The following BTBD6 variants were observed in gnomAD, a reference collection of about 807,000 sequenced individuals.
The protein encoded by BTBD6 is BTB domain containing 6, also known as BTB/POZ domain-containing protein 6.
BTBD6 carries 30 observed loss-of-function variants against 40.6 expected under a neutral mutation model. The observed-to-expected ratio is 0.74, with a 90% CI of 0.55 to 1.00. The LOEUF (loss-of-function observed/expected upper bound fraction) is 1.00, where lower values mean the gene tolerates loss of function less well. Ranked by LOEUF, BTBD6 falls within the 50% of genes least tolerant of loss-of-function variation. The probability of loss-of-function intolerance (pLI) is 0.00; values close to 1 mark genes in which losing one functional copy is unlikely to be tolerated. For synonymous variants in BTBD6, 378 were observed against 308.7 expected (o/e 1.22, Z -2.35); for missense variants, 698 against 694.6 (o/e 1.00, Z -0.06).
chr14:105,250,576 TG>T lies in BTBD6; in HGVS notation c.1523del (p.Gly508GlufsTer55), dbSNP rs2055547468. 6.2e-7 allele frequency: 1 copy of T among 1,613,924 alleles called. No individual in the cohort carries two copies. The highest frequency in any genetic ancestry group is 1.3e-5 in the African/African-American group (1 of 74,900). ...GQEGMTEVQC[G>X]KVAFQFQCSS... is the part of the protein sequence containing the mutation. ...AGGAGGGGATGACGGAAGTGCAGTG[TG>T]GAAAGGTGGCCTTCCAGTTCCAGTG... On this transcript the variant is annotated frameshift_variant, in exon 4 of 4. Coordinates refer to ENST00000392554, the MANE Select transcript of BTBD6 (RefSeq NM_001387567.1). LOFTEE classifies it high-confidence loss of function.
rs1259914114 is a variant in BTBD6 at position 105,250,763 on chromosome 14, A to G, written c.*91A>G. The G allele has an allele frequency of 7.5e-7, 1 of 1,329,032 alleles. No homozygotes were observed. The highest frequency in any genetic ancestry group is 1.5e-5 in the African/African-American group (1 of 67,922). 82.3% of individuals were successfully genotyped at this position (1,329,032 alleles called of 1,614,324 possible). ...CTTGACACCATGAAAGGCTGCTCTT[A>G]ACTTTGTCTCTCTTTGACATGTAGT... On this transcript the variant is annotated 3_prime_UTR_variant, in exon 4 of 4. Coordinates refer to ENST00000392554, the MANE Select transcript of BTBD6 (RefSeq NM_001387567.1).
rs1383513356 is a variant in BTBD6, at chr14:105,248,997, CCGCCGCCCGCGCCCG to C, written c.295_309del (p.Ala99_Pro103del). 5 of 1,011,752 alleles carry C rather than the reference CCGCCGCCCGCGCCCG, an allele frequency of 4.9e-6. No individual in the cohort carries two copies. The highest frequency in any genetic ancestry group is 4.5e-5 in the South Asian group (1 of 22,336). 62.7% of individuals were successfully genotyped at this position (1,011,752 alleles called of 1,614,324 possible). A position where few individuals can be genotyped will look rare whatever the true frequency, so the allele number is the denominator to read the frequency against. On this transcript the variant is annotated inframe_deletion, in exon 1 of 4. Transcript: ENST00000392554. ...GCCCAGCGCCCCCGCGCCAGCGCCG[CCGCCGCCCGCGCCCG>C]CGCCGCCCACACTCGGCAACAACCA... is the stretch of plus-strand genomic sequence containing the variant.
rs1314047056 is a variant in BTBD6 at position 105,249,808 on chromosome 14, T to C, written c.753T>C (p.Phe251=). The C allele has an allele frequency of 6.2e-7, 1 of 1,613,632 alleles. No individual in the cohort carries two copies. ...TCCTGCTGTCCCAGAGCCGGCTGTT[T>C]GAGGAGCCCGAGCTGACGCAGCGCT... ...ACVLLSQSRL[F]EEPELTQRCW... Residue 251 remains phenylalanine, a synonymous_variant, in exon 4 of 4, where the codon TTT becomes TTC. Transcript: ENST00000392554.
Position 105,248,616 on chromosome 14 carries a change from C to T in BTBD6, c.-96C>T, listed in dbSNP as rs1010176371. The T allele has an allele frequency of 3.1e-6, 3 of 976,296 alleles. No homozygotes were observed. Among genetic ancestry groups the T allele is most frequent in the South Asian group, 4.7e-5 (1 of 21,236 alleles). 60.5% of individuals were successfully genotyped at this position (976,296 alleles called of 1,614,324 possible). ...CGGCGCCCCCCGCGGCCGGGCCTGG[C>T]CGGGCTGCGCTAGGCTGGGCTCGGG... On this transcript the variant is annotated 5_prime_UTR_variant, in exon 1 of 4. Transcript: ENST00000392554.
At chr14:105,249,579 G>C (rs587715737) in intron 3 of BTBD6, 61 bp from the exon 4 acceptor site, 1 of 1,586,690 alleles carries the variant, frequency 6.3e-7, no homozygotes, top group East Asian at 2.2e-5. Flanking sequence ...TCCTCTCCCA[G>C]GCCCAGCCCC....
rs2055325827 is a variant in BTBD6 at position 105,248,608 on chromosome 14, G to GGGCCT, written c.-99_-95dup. ...GGGCGGGACGGCGCCCCCCGCGGCC[G>GGGCCT]GGCCTGGCCGGGCTGCGCTAGGCTG... On this transcript the variant is annotated 5_prime_UTR_variant, in exon 1 of 4. Coordinates refer to ENST00000392554, the MANE Select transcript of BTBD6 (RefSeq NM_001387567.1). 1 of 975,212 alleles carries GGGCCT rather than the reference G, an allele frequency of 1.0e-6. No homozygotes were observed. Among genetic ancestry groups the GGGCCT allele is most frequent in the Non-Finnish European group, 1.2e-6 (1 of 824,158 alleles). 60.4% of individuals were successfully genotyped at this position (975,212 alleles called of 1,614,324 possible). A position where few individuals can be genotyped will look rare whatever the true frequency, so the allele number is the denominator to read the frequency against.
At position 105,251,082 on chromosome 14, in the gene BTBD6, C is replaced by A; in HGVS notation, c.*410C>A. ...TAGTGGACTTCTGTAATAAAGGTTG[C>A]CTAAAATAACACCCACGTGTCAGTA... is the stretch of plus-strand genomic sequence containing the variant. On this transcript the variant is annotated 3_prime_UTR_variant, in exon 4 of 4. Coordinates refer to ENST00000392554, the MANE Select transcript of BTBD6 (RefSeq NM_001387567.1). 1 of 210,240 alleles carries A rather than the reference C, an allele frequency of 4.8e-6. No homozygotes were observed. The highest frequency in any genetic ancestry group is 1.1e-5 in the Non-Finnish European group (1 of 94,318). The allele number at this position is 210,240 out of a possible 1,614,324, so 13.0% of individuals were successfully genotyped here. A position where few individuals can be genotyped will look rare whatever the true frequency, so the allele number is the denominator to read the frequency against.
chr14:105,249,129 C>T (rs771527387), intron 1 of BTBD6, 28 bp from the exon 2 acceptor site: 3 of 1,543,554 alleles, frequency 1.9e-6, no homozygotes, highest in Middle Eastern at 1.9e-4. Context: ...CGCGCCCACG[C>T]CCCCAGCCCG....
chr14:105,249,609 C>T, intron 3 of BTBD6, 31 bp from the exon 4 acceptor site: 1 of 1,590,452 alleles, frequency 6.3e-7, no homozygotes, highest in Non-Finnish European at 8.6e-7. Context: ...GCTTGGGAGC[C>T]AGCCCCTGAC....
At position 105,250,972 on chromosome 14, in the gene BTBD6, T is replaced by C. The variant is rs141160369; in HGVS notation, c.*300T>C. On this transcript the variant is annotated 3_prime_UTR_variant, in exon 4 of 4. Transcript: ENST00000392554. ...CCTGCTTTGAGGGGTTGGATCTTCCTGCTACCCTCTTGGATTCTAAGTGGT... is the reference window on the plus strand; with the variant it reads ...CCTGCTTTGAGGGGTTGGATCTTCCCGCTACCCTCTTGGATTCTAAGTGGT... 3 of 377,002 alleles carry C rather than the reference T, an allele frequency of 8.0e-6. No homozygotes were observed. Among genetic ancestry groups the C allele is most frequent in the African/African-American group, 6.1e-5 (3 of 49,332 alleles). 23.4% of individuals were successfully genotyped at this position (377,002 alleles called of 1,614,324 possible). A position where few individuals can be genotyped will look rare whatever the true frequency, so the allele number is the denominator to read the frequency against.
Position 105,249,096 on chromosome 14 carries a change from GCCCCGCGGC to G in BTBD6, c.374+19_374+27del. ...CACGCTGCGCGAGAGGTGAGCCCGT[GCCCCGCGGC>G]CCCCGCGCCCGCGCGCGCCCACGCC... On this transcript the variant is annotated intron_variant, in intron 1 of 3. Transcript: ENST00000392554. 1 of 1,485,274 alleles carries G rather than the reference GCCCCGCGGC, an allele frequency of 6.7e-7. No individual in the cohort carries two copies. Among genetic ancestry groups the G allele is most frequent in the Non-Finnish European group, 8.9e-7 (1 of 1,126,098 alleles). 92.0% of individuals were successfully genotyped at this position (1,485,274 alleles called of 1,614,324 possible). A position where few individuals can be genotyped will look rare whatever the true frequency, so the allele number is the denominator to read the frequency against.
rs367672327 is a variant in BTBD6, at chr14:105,249,999, G to A, written c.944G>A (p.Arg315Lys). Residue 315 changes from arginine to lysine, a missense_variant, in exon 4 of 4, where the codon AGG becomes AAG. Arg to Lys is a conservative substitution (Grantham distance 26). Coordinates refer to ENST00000392554, the MANE Select transcript of BTBD6 (RefSeq NM_001387567.1). Reference protein sequence around the residue: ...VLNWAEAECKRQGLPITPRNK... With the variant: ...VLNWAEAECKKQGLPITPRNK... ...AACTGGGCCGAGGCGGAGTGCAAGAGGCAGGGGCTGCCAATCACCCCACGA... is the reference window on the plus strand; with the variant it reads ...AACTGGGCCGAGGCGGAGTGCAAGAAGCAGGGGCTGCCAATCACCCCACGA... The A allele has an allele frequency of 1.2e-6, 2 of 1,612,806 alleles. No homozygotes were observed. Among genetic ancestry groups the A allele is most frequent in the African/African-American group, 1.3e-5 (1 of 75,070 alleles).
chr14:105,248,981 CCCCGCGCCAGCGCCGCCGCCG>C lies in BTBD6; in HGVS notation c.279_299del (p.Pro97_Pro103del), dbSNP rs887225744. 7.2e-5 allele frequency: 71 copies of C among 986,228 alleles called. No individual in the cohort carries two copies. Among genetic ancestry groups the C allele is most frequent in the South Asian group, 9.0e-5 (2 of 22,132 alleles). The allele number at this position is 986,228 out of a possible 1,614,324, so 61.1% of individuals were successfully genotyped here. A position where few individuals can be genotyped will look rare whatever the true frequency, so the allele number is the denominator to read the frequency against. On this transcript the variant is annotated inframe_deletion, in exon 1 of 4. Transcript: ENST00000392554. The stretch of plus-strand genomic sequence containing the variant: ...CCGGGCCGCGCAGCCCGCCCAGCGC[CCCCGCGCCAGCGCCGCCGCCG>C]CCCGCGCCCGCGCCGCCCACACTCG...
rs2055570775 is a variant in BTBD6 at position 105,250,922 on chromosome 14, T to G, written c.*250T>G. 4.0e-6 allele frequency: 2 copies of G among 504,178 alleles called. No individual in the cohort carries two copies. The highest frequency in any genetic ancestry group is 2.9e-5 in the South Asian group (1 of 34,274). The allele number at this position is 504,178 out of a possible 1,614,324, so 31.2% of individuals were successfully genotyped here. On this transcript the variant is annotated 3_prime_UTR_variant, in exon 4 of 4. Transcript: ENST00000392554. The stretch of plus-strand genomic sequence containing the variant: ...TTTACGGCTCAAGACAGGCCCCAGA[T>G]CCCCTCCCAGTGGCACCCATGCCAC...
rs1460714606 is a variant in BTBD6, at chr14:105,248,792, G to A, written c.81G>A (p.Pro27=). ...TGCTTTTGCTTGCAGAGCCGCTCCC[G>A]AGGCCCCGGCGCGGCGCGAGGGCGC... ...TSLLLLAEPL[P]RPRRGARARG... is the part of the protein sequence containing the mutation. Residue 27 remains proline, a synonymous_variant, in exon 1 of 4, where the codon CCG becomes CCA. Coordinates refer to ENST00000392554, the MANE Select transcript of BTBD6 (RefSeq NM_001387567.1). The A allele has an allele frequency of 2.0e-6, 2 of 982,826 alleles. No individual in the cohort carries two copies. Among genetic ancestry groups the A allele is most frequent in the Non-Finnish European group, 1.2e-6 (1 of 829,814 alleles). 60.9% of individuals were successfully genotyped at this position (982,826 alleles called of 1,614,324 possible).
chr14:105,249,961 C>T lies in BTBD6; in HGVS notation c.906C>T (p.Phe302=), dbSNP rs1379490910. The T allele has an allele frequency of 5.0e-6, 8 of 1,612,072 alleles. No homozygotes were observed. Among genetic ancestry groups the T allele is most frequent in the Admixed American group, 1.7e-5 (1 of 60,000 alleles). ...EALNTKEAVV[F]EAVLNWAEAE... is the part of the protein sequence containing the mutation. ...TCAACACCAAAGAGGCGGTGGTCTT[C>T]GAGGCCGTCCTGAACTGGGCCGAGG... Residue 302 remains phenylalanine (F), a synonymous_variant, in exon 4 of 4, where the codon TTC becomes TTT. Coordinates refer to ENST00000392554, the MANE Select transcript of BTBD6 (RefSeq NM_001387567.1).
At position 105,248,563 on chromosome 14, in the gene BTBD6, ACGGGCTCGGG is replaced by A. The variant is rs1316785491; in HGVS notation, c.-143_-134del. 0.04 allele frequency: 10,424 copies of A among 263,486 alleles called. 93 individuals are homozygous for A. Among genetic ancestry groups the A allele is most frequent in the Non-Finnish European group, 0.045 (9,858 of 219,976 alleles). 16.3% of individuals were successfully genotyped at this position (263,486 alleles called of 1,614,324 possible). A position where few individuals can be genotyped will look rare whatever the true frequency, so the allele number is the denominator to read the frequency against. On this transcript the variant is annotated 5_prime_UTR_variant, in exon 1 of 4. Transcript: ENST00000392554. ...GTGACGCACCGGCGCCGCGGCGGGTACGGGCTCGGGCGGGCGGGCGGGCGGGACGGCGCCC... is the reference window on the plus strand; with the variant it reads ...GTGACGCACCGGCGCCGCGGCGGGTACGGGCGGGCGGGCGGGACGGCGCCC...
At position 105,248,611 on chromosome 14, in the gene BTBD6, C is replaced by T; in HGVS notation, c.-101C>T. 1.0e-5 allele frequency: 10 copies of T among 974,386 alleles called. No homozygotes were observed. Among genetic ancestry groups the T allele is most frequent in the East Asian group, 1.2e-4 (1 of 8,684 alleles). The allele number at this position is 974,386 out of a possible 1,614,324, so 60.4% of individuals were successfully genotyped here. On this transcript the variant is annotated 5_prime_UTR_variant, in exon 1 of 4. Coordinates refer to ENST00000392554, the MANE Select transcript of BTBD6 (RefSeq NM_001387567.1). The stretch of plus-strand genomic sequence containing the variant: ...CGGGACGGCGCCCCCCGCGGCCGGG[C>T]CTGGCCGGGCTGCGCTAGGCTGGGC...
chr14:105,250,314 G>A lies in BTBD6; in HGVS notation c.1259G>A (p.Arg420Lys), dbSNP rs745905311. Residue 420 changes from arginine to lysine, a missense_variant, in exon 4 of 4, where the codon AGG becomes AAG. Transcript: ENST00000392554. Reference protein sequence around the residue: ...CDSIQFAVDRRVFIAGLGLYG... With the variant: ...CDSIQFAVDRKVFIAGLGLYG... ...AGCATCCAGTTTGCAGTGGACAGAA[G>A]GGTATTTATTGCAGGGCTGGGCCTG... 3.1e-6 allele frequency: 5 copies of A among 1,613,414 alleles called. No individual in the cohort carries two copies. The highest frequency in any genetic ancestry group is 4.2e-6 in the Non-Finnish European group (5 of 1,180,042).
Sources: gnomAD v4.1 joint callset for allele counts on GRCh38, gnomAD v4.1.1 for gene constraint, MANE v1.5 for transcripts, NCBI Gene and HGNC (gene_info 2026-07-23, HGNC 2026-07-21) for gene names.